PITPNC1: variants seen among roughly 807,000 people sequenced by gnomAD.
PITPNC1 encodes the protein cytoplasmic phosphatidylinositol transfer protein 1.
PITPNC1 carries 18 observed loss-of-function variants against 44.7 expected under a neutral mutation model. The ratio of observed to expected loss-of-function variants is 0.40; its 90% confidence interval spans 0.28 to 0.60. PITPNC1 has a LOEUF of 0.60. Among genes scored for constraint, PITPNC1 ranks in the 20% least tolerant of loss-of-function variants. The probability of loss-of-function intolerance (pLI) is 0.39; values close to 1 mark genes in which losing one functional copy is unlikely to be tolerated. For synonymous variants in PITPNC1, 141 were observed against 149.6 expected, an observed-to-expected ratio of 0.94 and a Z score of 0.42; for missense variants, 290 against 418.4, an observed-to-expected ratio of 0.69 and a Z score of 2.68.
At chr17:67,424,812 C>A (rs1650142742) in intron 1 of PITPNC1, among the ~76,000 whole-genome samples, 1 of 152,030 alleles carries the variant, frequency 6.6e-6, no homozygotes, top group South Asian at 2.1e-4. Flanking sequence ...TCTCTTGCCT[C>A]AGTGTCAGGC....
chr17:67,562,266 C>T (rs1009606006), intron 4 of PITPNC1, among the ~76,000 whole-genome samples: 5 of 152,120 alleles, frequency 3.3e-5, no homozygotes, highest in African/African-American at 9.7e-5. Flanking sequence ...GTGTAGGGTG[C>T]GGGCTGGTGA....
At chr17:67,586,374 G>C (rs2041316391) in intron 5 of PITPNC1, among the ~76,000 whole-genome samples, 2 of 150,746 alleles carry the variant, frequency 1.3e-5, no homozygotes, top group Non-Finnish European at 2.9e-5. Flanking sequence ...CCTGAGGTCA[G>C]GAGTTTGAGA....
intron 1 of PITPNC1, among the ~76,000 whole-genome samples, chr17:67,525,964 C>A (rs1344172647): frequency 6.6e-6 from 1 of 152,180 alleles, no homozygotes; most frequent in Non-Finnish European, 1.5e-5. Flanking sequence ...ATGGCGTCCG[C>A]CCATTTTGAT....
chr17:67,581,719 G>A (rs1481785703), intron 5 of PITPNC1, among the ~76,000 whole-genome samples: 2 of 152,144 alleles, frequency 1.3e-5, no homozygotes, highest in Non-Finnish European at 2.9e-5. Context: ...CAGATTCAAA[G>A]TTGGTCCCAG....
intron 2 of PITPNC1, among the ~76,000 whole-genome samples, chr17:67,544,186 G>A (rs1356741200): frequency 6.6e-6 from 1 of 152,162 alleles, no homozygotes; most frequent in African/African-American, 2.4e-5. Context: ...AGTTAACCAA[G>A]TAAGTAGTAT....
At chr17:67,522,969 C>T (rs1488348003) in intron 1 of PITPNC1, among the ~76,000 whole-genome samples, 3 of 152,070 alleles carry the variant, frequency 2.0e-5, no homozygotes, top group Non-Finnish European at 4.4e-5. Context: ...CATGCCTGGC[C>T]CACTGTAACC....
At chr17:67,663,854 G>A (rs1006877003) in intron 6 of PITPNC1, among the ~76,000 whole-genome samples, 3 of 152,228 alleles carry the variant, frequency 2.0e-5, no homozygotes, top group African/African-American at 7.2e-5. Flanking sequence ...GCTTCTTATG[G>A]AAACCTGCTT....
At chr17:67,431,898 C>T (rs1407471760) in intron 1 of PITPNC1, among the ~76,000 whole-genome samples, 2 of 152,142 alleles carry the variant, frequency 1.3e-5, no homozygotes, top group Admixed American at 1.3e-4. Flanking sequence ...CAACATTTAT[C>T]TTTAGTCTCT....
At chr17:67,528,616 A>G (rs902250187) in intron 1 of PITPNC1, among the ~76,000 whole-genome samples, 2 of 152,214 alleles carry the variant, frequency 1.3e-5, no homozygotes, top group African/African-American at 4.8e-5. Flanking sequence ...GGAGGAAAAA[A>G]GAAACAAGCG....
chr17:67,689,478 C>CT (rs1434296690), intron 8 of PITPNC1, among the ~76,000 whole-genome samples: 14 of 152,134 alleles, frequency 9.2e-5, no homozygotes, highest in African/African-American at 3.4e-4. Flanking sequence ...TTTCCTTAGT[C>CT]TTTCTCCTGT....
At chr17:67,445,531 A>G (rs1408165416) in intron 1 of PITPNC1, among the ~76,000 whole-genome samples, 1 of 149,186 alleles carries the variant, frequency 6.7e-6, no homozygotes, top group Non-Finnish European at 1.5e-5. Flanking sequence ...CTGTCTCTCA[A>G]TGTACTTTCC....
At chr17:67,472,370 G>A (rs561173899) in intron 1 of PITPNC1, among the ~76,000 whole-genome samples, 7 of 140,816 alleles carry the variant, frequency 5.0e-5, no homozygotes, top group South Asian at 2.4e-4. Flanking sequence ...AAAAAGGACC[G>A]GGTGCGGTGG....
At chr17:67,434,187 G>C (rs532759889) in intron 1 of PITPNC1, among the ~76,000 whole-genome samples, 1 of 152,290 alleles carries the variant, frequency 6.6e-6, no homozygotes, top group South Asian at 2.1e-4. Context: ...GAGGCTTATG[G>C]CTCCGTAATG....
intron 4 of PITPNC1, among the ~76,000 whole-genome samples, chr17:67,562,399 T>C (rs1190923394): frequency 6.6e-6 from 1 of 152,160 alleles, no homozygotes; most frequent in African/African-American, 2.4e-5. Context: ...CCTCCACATC[T>C]CTTTCAGGTC....
At chr17:67,690,373 C>T (rs1025055051) in intron 8 of PITPNC1, among the ~76,000 whole-genome samples, 14 of 148,646 alleles carry the variant, frequency 9.4e-5, no homozygotes, top group South Asian at 8.4e-4. Flanking sequence ...GCTTGAACCC[C>T]GGAGGCGGAA....
At chr17:67,550,014 G>T (rs981898394) in intron 2 of PITPNC1, among the ~76,000 whole-genome samples, 3 of 152,100 alleles carry the variant, frequency 2.0e-5, no homozygotes, top group African/African-American at 7.2e-5. Context: ...ACCATTTCCT[G>T]CACGCGAGCC....
At chr17:67,598,319 A>G (rs1352119970) in intron 5 of PITPNC1, among the ~76,000 whole-genome samples, 1 of 152,220 alleles carries the variant, frequency 6.6e-6, no homozygotes, top group Admixed American at 6.5e-5. Flanking sequence ...GGATGGAGCA[A>G]TTAGCTCAGT....
intron 6 of PITPNC1, among the ~76,000 whole-genome samples, chr17:67,647,530 C>T (rs80320393): frequency 0.092 from 11,309 of 123,532 alleles, 527 homozygotes; most frequent in Middle Eastern, 0.19. Flanking sequence ...GTTTCCCAGG[C>T]TGGTCTCGAG....
At chr17:67,440,988 G>A (rs754176337) in intron 1 of PITPNC1, among the ~76,000 whole-genome samples, 2 of 152,082 alleles carry the variant, frequency 1.3e-5, no homozygotes, top group East Asian at 1.9e-4. Context: ...ATCCCCAGGC[G>A]ATGCAACCAG....
Sources: allele counts gnomAD v4.1 joint callset (sites outside exome capture counted in the v4.1 genomes callset), GRCh38; gene constraint gnomAD v4.1.1; transcripts MANE v1.5; gene names NCBI Gene and HGNC (gene_info 2026-07-23, HGNC 2026-07-21).